The following GABRG3 variants were observed in gnomAD, a reference collection of about 807,000 sequenced individuals.
GABRG3 encodes gamma-aminobutyric acid type A receptor subunit gamma3.
GABRG3 carries 25 observed loss-of-function variants against 48.8 expected under a neutral mutation model. That is an observed-to-expected ratio of 0.51 (90% CI 0.37 to 0.72). The LOEUF (loss-of-function observed/expected upper bound fraction) is 0.72. GABRG3 is among the 30% of genes least tolerant of loss of function. The pLI, the probability that GABRG3 is intolerant of heterozygous loss-of-function variation, is 0.00. For missense variants in GABRG3, 394 were observed against 577.9 expected, an observed-to-expected ratio of 0.68 and a Z score of 3.26; for synonymous variants, 227 against 217.6, an observed-to-expected ratio of 1.04 and a Z score of -0.38.
intron 3 of GABRG3, among the ~76,000 whole-genome samples, chr15:27,170,237 A>T (rs2140410126): frequency 6.6e-6 from 1 of 152,342 alleles, no homozygotes; most frequent in East Asian, 1.9e-4. Flanking sequence ...AGTTTATAAC[A>T]TGGGTAGAAA....
intron 3 of GABRG3, among the ~76,000 whole-genome samples, chr15:27,214,751 T>C (rs12912940): frequency 0.062 from 9,394 of 151,452 alleles, 537 homozygotes; most frequent in East Asian, 0.15. Flanking sequence ...CCTTTGAGAA[T>C]CCTGGTCACT....
chr15:27,328,688 C>T, intron 4 of GABRG3, 118 bp from the exon 5 acceptor site: 1 of 724,084 alleles, frequency 1.4e-6, no homozygotes, highest in Non-Finnish European at 2.4e-6. Context: ...GAGTGAGCCG[C>T]ACATGCTGCC....
rs575026540 is a variant in GABRG3 at position 27,278,075 on chromosome 15, G to A, written c.271-48734G>A. On this transcript the variant is annotated intron_variant, in intron 3 of 9. Transcript: ENST00000615808. Reference sequence around the variant, plus strand: ...CGATGCATTTTTTTTTTTTTGAAACGTAGTCTCACTGTGTTGCCCAGGCTG... The same window carrying A: ...CGATGCATTTTTTTTTTTTTGAAACATAGTCTCACTGTGTTGCCCAGGCTG... 3.9e-4 allele frequency among the ~76,000 whole-genome samples: 58 copies of A among 149,246 alleles called. 1 individual carries two copies. In the South Asian group the frequency reaches 7.2e-3, roughly 18 times the overall value.
rs561760366 is a variant in GABRG3 at position 26,984,495 on chromosome 15, C to T, written c.202+7345C>T. ...ATGTTTTAAAAATAATGACTCCTCTCCTAGACATTATTTCTTCTCAACTAA... is the reference window on the plus strand; with the variant it reads ...ATGTTTTAAAAATAATGACTCCTCTTCTAGACATTATTTCTTCTCAACTAA... On this transcript the variant is annotated intron_variant, in intron 2 of 9. Transcript: ENST00000615808. Among the ~76,000 whole-genome samples, 3 of 152,240 alleles carry T rather than the reference C, an allele frequency of 2.0e-5. No individual in the cohort carries two copies. The East Asian group carries it at 5.8e-4, about 29-fold the overall frequency.
At chr15:27,383,949 A>G (rs1401315362) in intron 5 of GABRG3, among the ~76,000 whole-genome samples, 1 of 152,224 alleles carries the variant, frequency 6.6e-6, no homozygotes, top group Non-Finnish European at 1.5e-5. Context: ...GTGGAGGCCA[A>G]ACAACTGATA....
intron 3 of GABRG3, among the ~76,000 whole-genome samples, chr15:27,225,902 G>A (rs1427278770): frequency 6.6e-6 from 1 of 152,116 alleles, no homozygotes; most frequent in Non-Finnish European, 1.5e-5. Context: ...AGGAGGAGGA[G>A]CCCAGATGAG....
chr15:27,452,942 C>G (rs1184074415), intron 5 of GABRG3, among the ~76,000 whole-genome samples: 1 of 152,126 alleles, frequency 6.6e-6, no homozygotes, highest in Non-Finnish European at 1.5e-5. Flanking sequence ...CACACAGACA[C>G]AGGAATACTA....
At position 27,484,338 on chromosome 15, in the gene GABRG3, G is replaced by A. The variant is rs531572117; in HGVS notation, c.712+3551G>A. Among the ~76,000 whole-genome samples the A allele has an allele frequency of 9.2e-5, 14 of 152,184 alleles. No individual in the cohort carries two copies. The South Asian group carries it at 2.5e-3, about 27-fold the overall frequency. On this transcript the variant is annotated intron_variant, in intron 6 of 9. Transcript: ENST00000615808. ...TTTATTCTGATAATTTAAAATATCTGTAGGCTTACCGACACTGAGAATAAC... is the reference window on the plus strand; with the variant it reads ...TTTATTCTGATAATTTAAAATATCTATAGGCTTACCGACACTGAGAATAAC...
chr15:27,126,214 T>C (rs1897818283), intron 3 of GABRG3, among the ~76,000 whole-genome samples: 2 of 152,194 alleles, frequency 1.3e-5, no homozygotes. Flanking sequence ...ATATATTGTC[T>C]TATTGGATCC....
intron 6 of GABRG3, among the ~76,000 whole-genome samples, chr15:27,519,700 G>A (rs1891113291): frequency 6.6e-6 from 1 of 152,140 alleles, no homozygotes; most frequent in African/African-American, 2.4e-5. Flanking sequence ...ATGGCCTGTC[G>A]TGGAAGAGAT....
At chr15:27,477,044 A>G (rs905534055) in intron 5 of GABRG3, among the ~76,000 whole-genome samples, 8 of 152,220 alleles carry the variant, frequency 5.3e-5, no homozygotes, top group Admixed American at 4.6e-4. Flanking sequence ...ATGACTGTCA[A>G]CAAGTAATTA....
chr15:27,258,519 G>T (rs1218489437), intron 3 of GABRG3, among the ~76,000 whole-genome samples: 1 of 152,194 alleles, frequency 6.6e-6, no homozygotes, highest in East Asian at 1.9e-4. Context: ...GCCTTCTCGG[G>T]TTACACTGCC....
chr15:27,436,835 A>G (rs893239570), intron 5 of GABRG3, among the ~76,000 whole-genome samples: 6 of 152,238 alleles, frequency 3.9e-5, no homozygotes, highest in African/African-American at 1.4e-4. Flanking sequence ...GTTGGGAGAA[A>G]AAAACCAGGG....
intron 5 of GABRG3, among the ~76,000 whole-genome samples, chr15:27,431,414 C>T (rs1440254820): frequency 6.6e-6 from 1 of 152,066 alleles, no homozygotes; most frequent in African/African-American, 2.4e-5. Flanking sequence ...TTATTCTAAT[C>T]GTTTTTTTGT....
At chr15:26,986,753 T>C (rs1190830587) in intron 2 of GABRG3, among the ~76,000 whole-genome samples, 3 of 152,234 alleles carry the variant, frequency 2.0e-5, no homozygotes, top group Non-Finnish European at 4.4e-5. Context: ...TGGTCTTGAT[T>C]TGAATATTCA....
chr15:27,279,895 C>T (rs1008693183), intron 3 of GABRG3, among the ~76,000 whole-genome samples: 1 of 152,030 alleles, frequency 6.6e-6, no homozygotes, highest in African/African-American at 2.4e-5. Flanking sequence ...AAAAGGATGT[C>T]TTTCTGTTTA....
chr15:27,525,561 C>G (rs1891255823), intron 7 of GABRG3, among the ~76,000 whole-genome samples: 2 of 152,188 alleles, frequency 1.3e-5, no homozygotes, highest in South Asian at 4.2e-4. Flanking sequence ...AAGCACACGG[C>G]CATTGCCTAC....
At chr15:27,225,489 A>C (rs183576760) in intron 3 of GABRG3, among the ~76,000 whole-genome samples, 3 of 152,188 alleles carry the variant, frequency 2.0e-5, no homozygotes, top group Admixed American at 1.3e-4. Flanking sequence ...GAGTAAGTTT[A>C]CCTGTAGATC....
chr15:27,432,143 A>G (rs1888473611), intron 5 of GABRG3, among the ~76,000 whole-genome samples: 1 of 152,196 alleles, frequency 6.6e-6, no homozygotes, highest in Non-Finnish European at 1.5e-5. Flanking sequence ...TGATTTCTAT[A>G]TATGTCTGTT....
Sources: gnomAD v4.1 joint callset for allele counts (sites outside exome capture counted in the v4.1 genomes callset) on GRCh38, gnomAD v4.1.1 for gene constraint, MANE v1.5 for transcripts, NCBI Gene and HGNC (gene_info 2026-07-23, HGNC 2026-07-21) for gene names.